The following IFNAR2 variants were observed in gnomAD, a reference collection of about 807,000 sequenced individuals.
IFNAR2 encodes interferon alpha and beta receptor subunit 2.
A neutral mutation model predicts 49.4 loss-of-function variants in IFNAR2; 30 were observed. That is an observed-to-expected ratio of 0.61 (90% confidence interval 0.45 to 0.82). The LOEUF (loss-of-function observed/expected upper bound fraction) is 0.82. IFNAR2 is among the 40% of genes least tolerant of loss of function. The pLI, the probability that IFNAR2 is intolerant of heterozygous loss-of-function variation, is 0.00. For missense variants in IFNAR2, 600 were observed against 622.7 expected, an observed-to-expected ratio of 0.96 and a Z score of 0.39; for synonymous variants, 224 against 234.5, an observed-to-expected ratio of 0.96 and a Z score of 0.41.
chr21:33,230,417 G>C lies in IFNAR2; in HGVS notation c.-84+201G>C, dbSNP rs1395930389. 2.2e-5 allele frequency: 10 copies of C among 444,644 alleles called. No homozygotes were observed. Among genetic ancestry groups the C allele is most frequent in the African/African-American group, 1.9e-4 (9 of 48,092 alleles). 27.5% of individuals were successfully genotyped at this position (444,644 alleles called of 1,614,324 possible). On this transcript the variant is annotated intron_variant, in intron 1 of 8. Transcript: ENST00000342136. This position sits in a 1 kb window ranked among gnomAD's most constrained non-coding sequence, Gnocchi z 5.5. ...TCCTCTCTCCCGGGGCCGCACCTGC[G>C]ACCCCAGGACCCCTCCCGGGCCCTG...
At chr21:33,248,242 C>A (rs1987583146) in intron 5 of IFNAR2, among the ~76,000 whole-genome samples, 1 of 151,986 alleles carries the variant, frequency 6.6e-6, no homozygotes, top group African/African-American at 2.4e-5. Flanking sequence ...CACAGTGGCT[C>A]ACACCTGTAA....
intron 7 of IFNAR2, among the ~76,000 whole-genome samples, chr21:33,258,571 T>C (rs752558622): frequency 6.6e-6 from 1 of 152,226 alleles, no homozygotes; most frequent in African/African-American, 2.4e-5. Flanking sequence ...TATATTGTTT[T>C]ATGACACTAA....
chr21:33,243,684 C>T lies in IFNAR2; in HGVS notation c.67C>T (p.Leu23Phe). The part of the protein sequence containing the change: ...LNLVLMVYIS[L>F]VFGISYDSPD... Reference sequence around the variant, plus strand: ...TTTCTTCCTTCTAGTGTATATCAGCCTCGTGTTTGGTATTTCATATGATTC... The same window carrying T: ...TTTCTTCCTTCTAGTGTATATCAGCTTCGTGTTTGGTATTTCATATGATTC... Residue 23 changes from leucine to phenylalanine, a missense_variant, in exon 3 of 9, where the codon CTC (leucine) becomes TTC (phenylalanine). Coordinates refer to ENST00000342136, the MANE Select transcript of IFNAR2 (RefSeq NM_001289125.3). 6.2e-7 allele frequency: 1 copy of T among 1,613,318 alleles called. No individual in the cohort carries two copies. The highest frequency in any genetic ancestry group is 8.5e-7 in the Non-Finnish European group (1 of 1,179,364).
At chr21:33,249,956 G>T (rs1426411093) in intron 6 of IFNAR2, among the ~76,000 whole-genome samples, 2 of 152,074 alleles carry the variant, frequency 1.3e-5, no homozygotes, top group African/African-American at 4.8e-5. Flanking sequence ...CCTGGTAGGA[G>T]TTTGTGGGTC....
At chr21:33,235,537 G>A (rs530570503) in intron 1 of IFNAR2, among the ~76,000 whole-genome samples, 9 of 152,270 alleles carry the variant, frequency 5.9e-5, no homozygotes, top group Non-Finnish European at 1.2e-4. Flanking sequence ...GCCTGAGAAA[G>A]TACCACTAAA....
At chr21:33,258,889 TC>T (rs1283202276) in intron 7 of IFNAR2, among the ~76,000 whole-genome samples, 1 of 152,082 alleles carries the variant, frequency 6.6e-6, no homozygotes, top group Non-Finnish European at 1.5e-5. Context: ...AAAGGGAACA[TC>T]CATCCACATG....
intron 7 of IFNAR2, among the ~76,000 whole-genome samples, chr21:33,260,132 T>A (rs897284338): frequency 2.0e-5 from 3 of 152,232 alleles, no homozygotes; most frequent in Non-Finnish European, 2.9e-5. Context: ...GAGCCCTGAC[T>A]TGTGGCCCCA....
rs1292974355 is a variant in IFNAR2, at chr21:33,242,777, G to A, written c.55+800G>A. Among the ~76,000 whole-genome samples, 57 of 46,712 alleles carry A rather than the reference G, an allele frequency of 1.2e-3. 1 individual carries two copies. Among genetic ancestry groups the A allele is most frequent in the African/African-American group, 5.6e-3 (51 of 9,126 alleles). 30.6% of individuals were successfully genotyped at this position (46,712 alleles called of 152,430 possible). ...CGTGTGCGTGTGTGTGTGTGTGTGT[G>A]TGTGTGTGTGTGTGTGTGTGTGTGT... On this transcript the variant is annotated intron_variant, in intron 2 of 8. Coordinates refer to ENST00000342136, the MANE Select transcript of IFNAR2 (RefSeq NM_001289125.3).
At chr21:33,245,213 A>G (rs946919183) in intron 4 of IFNAR2, 139 bp downstream of exon 4, 2 of 624,456 alleles carry the variant, frequency 3.2e-6, no homozygotes, top group Non-Finnish European at 5.6e-6. Context: ...TCTTATTCAG[A>G]GCCTTAAAAA....
intron 1 of IFNAR2, among the ~76,000 whole-genome samples, chr21:33,233,179 A>G (rs553459382): frequency 1.3e-5 from 2 of 152,344 alleles, no homozygotes; most frequent in African/African-American, 4.8e-5. Flanking sequence ...AAGTCAGGAG[A>G]AAGAACAGAA....
chr21:33,248,935 T>G, intron 6 of IFNAR2, 81 bp downstream of exon 6: 1 of 1,048,412 alleles, frequency 9.5e-7, no homozygotes, highest in Non-Finnish European at 1.4e-6. Flanking sequence ...GAAAGGAAAT[T>G]TGCAGTTGAA....
At chr21:33,242,975 GAC>G (rs2074892039) in intron 2 of IFNAR2, among the ~76,000 whole-genome samples, 1 of 150,718 alleles carries the variant, frequency 6.6e-6, no homozygotes, top group African/African-American at 2.4e-5. Context: ...TTTTAGTAGA[GAC>G]AAGGTTTCAC....
chr21:33,244,427 C>T (rs1185163649), intron 3 of IFNAR2, among the ~76,000 whole-genome samples: 1 of 152,122 alleles, frequency 6.6e-6, no homozygotes, highest in African/African-American at 2.4e-5. Flanking sequence ...TTAGAAAGGG[C>T]CAGTCTGGGC....
intron 1 of IFNAR2, among the ~76,000 whole-genome samples, chr21:33,232,616 T>C (rs1986145084): frequency 6.7e-6 from 1 of 150,138 alleles, no homozygotes. Context: ...GATTTCTCTG[T>C]AATAAATAGG....
intron 3 of IFNAR2, 104 bp from the exon 4 acceptor site, chr21:33,244,847 A>G: frequency 9.5e-7 from 1 of 1,056,056 alleles, no homozygotes. Context: ...TGGAGAGGTT[A>G]TCTGCCAGAG....
chr21:33,245,182 A>G (rs1377779338), intron 4 of IFNAR2, 108 bp downstream of exon 4: 1 of 806,392 alleles, frequency 1.2e-6, no homozygotes, highest in African/African-American at 1.7e-5. Flanking sequence ...TTTCCTATCT[A>G]CCTCTCCTTC....
intron 8 of IFNAR2, among the ~76,000 whole-genome samples, chr21:33,262,094 G>A (rs1192531043): frequency 2.0e-5 from 3 of 151,968 alleles, no homozygotes; most frequent in Non-Finnish European, 2.9e-5. Context: ...CTGGCCAGGC[G>A]CGGTGGCCAC....
intron 2 of IFNAR2, among the ~76,000 whole-genome samples, chr21:33,242,788 T>C (rs557724376): frequency 1.0e-5 from 1 of 96,018 alleles, no homozygotes; most frequent in Non-Finnish European, 2.1e-5. Context: ...TGTGTGTGTG[T>C]GTGTGTGTGT....
At chr21:33,242,771 G>A (rs796541402) in intron 2 of IFNAR2, among the ~76,000 whole-genome samples, 279 of 14,614 alleles carry the variant, frequency 0.019, 4 homozygotes, top group Middle Eastern at 0.11. Flanking sequence ...GTGTGTGTGT[G>A]TGTGTGTGTG....
Sources: gnomAD v4.1 joint callset for allele counts (sites outside exome capture counted in the v4.1 genomes callset) on GRCh38, gnomAD v4.1.1 for gene constraint, Gnocchi (gnomAD v3.1) non-coding constraint, MANE v1.5 for transcripts, NCBI Gene and HGNC (gene_info 2026-07-23, HGNC 2026-07-21) for gene names.